Variants in BMPR2 observed in about 807,000 individuals in gnomAD.
BMPR2 encodes the protein bone morphogenetic protein receptor type 2, also known as bone morphogenetic protein receptor type-2.
A neutral mutation model predicts 100.8 loss-of-function variants in BMPR2; 29 were observed. The observed-to-expected ratio is 0.29, with a 90% CI of 0.21 to 0.39. The LOEUF (loss-of-function observed/expected upper bound fraction) is 0.39, where lower values mean the gene tolerates loss of function less well. BMPR2 is among the 10% of genes least tolerant of loss of function. The pLI is 1.00. For missense variants in BMPR2, 1,011 were observed against 1,274.5 expected, an observed-to-expected ratio of 0.79 and a Z score of 3.15; for synonymous variants, 382 against 442.3, an observed-to-expected ratio of 0.86 and a Z score of 1.71.
intron 1 of BMPR2, among the ~76,000 whole-genome samples, chr2:202,418,010 G>A (rs937527937): frequency 3.9e-5 from 6 of 152,108 alleles, no homozygotes; most frequent in African/African-American, 1.4e-4. Flanking sequence ...GAGCCACCGT[G>A]CCTGGCCCGT....
intron 3 of BMPR2, among the ~76,000 whole-genome samples, chr2:202,499,210 C>A (rs1202810945): frequency 6.6e-6 from 1 of 152,166 alleles, no homozygotes; most frequent in Admixed American, 6.5e-5. Flanking sequence ...CTGATAGGTA[C>A]ATAGATGTCC....
chr2:202,465,012 T>C, intron 2 of BMPR2, 33 bp downstream of exon 2: 1 of 1,608,840 alleles, frequency 6.2e-7, no homozygotes, highest in Non-Finnish European at 8.5e-7. Flanking sequence ...GAAATGACTG[T>C]GTTTTATACA....
intron 3 of BMPR2, among the ~76,000 whole-genome samples, chr2:202,471,952 T>G (rs751142736): frequency 1.3e-5 from 2 of 151,224 alleles, no homozygotes; most frequent in Non-Finnish European, 2.9e-5. Flanking sequence ...AAAGAGGTAA[T>G]AAAAGCAAAC....
rs555886271 is a variant in BMPR2, at chr2:202,559,000, C to G, written c.2867-696C>G. On this transcript the variant is annotated intron_variant, in intron 12 of 12. Coordinates refer to ENST00000374580, the MANE Select transcript of BMPR2 (RefSeq NM_001204.7). ...TCTGAAAAATATTGTATGCCAGGTG[C>G]CTTTAAAATTTGATCCAGGCTGGGC... is the stretch of plus-strand genomic sequence containing the variant. Among the ~76,000 whole-genome samples the G allele has an allele frequency of 2.7e-5, 4 of 150,668 alleles. No individual in the cohort carries two copies. In the South Asian group the frequency reaches 6.4e-4, roughly 24 times the overall value.
chr2:202,463,973 A>C (rs1477630241), intron 1 of BMPR2, among the ~76,000 whole-genome samples: 1 of 152,060 alleles, frequency 6.6e-6, no homozygotes, highest in East Asian at 1.9e-4. Context: ...CAGCCTGACC[A>C]ACATGGAGAA....
chr2:202,532,734 TA>T lies in BMPR2; in HGVS notation c.1276+7del. The T allele has an allele frequency of 1.9e-6, 3 of 1,611,536 alleles. No individual in the cohort carries two copies. The highest frequency in any genetic ancestry group is 1.7e-6 in the Non-Finnish European group (2 of 1,179,774). ...TGAGATGTACAGACCTCTTCCCAGG[TA>T]AAAACTACTGTCAAAAGTTGATATT... On this transcript the variant is annotated splice_donor_region_variant and intron_variant, in intron 9 of 12. Transcript: ENST00000374580. The surrounding 1 kb of genome is among the most constrained non-coding windows in gnomAD (Gnocchi z 4.1).
In BMPR2 at chr2:202,377,256, A is replaced by AC. The variant is rs576966565; in HGVS notation, c.-212dup. 0.018 allele frequency: 11,241 copies of AC among 621,928 alleles called. 168 individuals are homozygous for AC. Among genetic ancestry groups the AC allele is most frequent in the Non-Finnish European group, 0.022 (7,714 of 343,590 alleles). 38.5% of individuals were successfully genotyped at this position (621,928 alleles called of 1,614,324 possible). A position where few individuals can be genotyped will look rare whatever the true frequency, so the allele number is the denominator to read the frequency against. On this transcript the variant is annotated 5_prime_UTR_variant, in exon 1 of 13. An upstream open reading frame in the 5' UTR loses its in-frame stop. Transcript: ENST00000374580. ...GCGGCACCCCGTCCGAGGCGAAGGA[A>AC]CCCCCCCAGCCGCGAGGGAGAGAAA...
chr2:202,476,947 CAAAAAAA>C (rs35516927), intron 3 of BMPR2, among the ~76,000 whole-genome samples: 1 of 121,310 alleles, frequency 8.2e-6, no homozygotes, highest in African/African-American at 3.0e-5. Context: ...AATCAACTGC[CAAAAAAA>C]AAAAAAAAAG....
chr2:202,452,880 TC>T (rs1396420649), intron 1 of BMPR2, among the ~76,000 whole-genome samples: 3 of 152,170 alleles, frequency 2.0e-5, no homozygotes, highest in African/African-American at 7.2e-5. Context: ...TGATAGGGGA[TC>T]CCGCCTCAGT....
intron 3 of BMPR2, among the ~76,000 whole-genome samples, chr2:202,483,248 G>T (rs1368721767): frequency 6.6e-6 from 1 of 151,802 alleles, no homozygotes; most frequent in African/African-American, 2.4e-5. Context: ...TATATATTTT[G>T]GATATTAACC....
chr2:202,449,985 G>A (rs901830008), intron 1 of BMPR2, among the ~76,000 whole-genome samples: 3 of 152,058 alleles, frequency 2.0e-5, no homozygotes, highest in Admixed American at 1.3e-4. Flanking sequence ...TGGCATGCAC[G>A]TGTGATCCCA....
chr2:202,527,512 G>A (rs1361184364), intron 7 of BMPR2, among the ~76,000 whole-genome samples: 4 of 150,778 alleles, frequency 2.7e-5, no homozygotes, highest in Admixed American at 2.6e-4. Flanking sequence ...TAGGCCGGGC[G>A]CGGTGGCTCA....
chr2:202,427,790 C>T (rs1039122561), intron 1 of BMPR2, among the ~76,000 whole-genome samples: 6 of 152,014 alleles, frequency 3.9e-5, no homozygotes, highest in Non-Finnish European at 8.8e-5. Flanking sequence ...CCAGCTTGGG[C>T]AACATGGCCA....
chr2:202,457,557 TATATAG>T (rs1314490899), intron 1 of BMPR2, among the ~76,000 whole-genome samples: 2,002 of 100,698 alleles, frequency 0.02, 23 homozygotes, highest in South Asian at 0.063. Flanking sequence ...TATATATATA[TATATAG>T]AGAGAGAGAG....
intron 3 of BMPR2, among the ~76,000 whole-genome samples, chr2:202,485,986 G>A (rs1216336984): frequency 6.6e-6 from 1 of 151,926 alleles, no homozygotes; most frequent in Non-Finnish European, 1.5e-5. Flanking sequence ...AACTGCCATT[G>A]GCCTTTAGGA....
intron 3 of BMPR2, among the ~76,000 whole-genome samples, chr2:202,491,571 C>G (rs1692903781): frequency 6.6e-6 from 1 of 151,868 alleles, no homozygotes; most frequent in Admixed American, 6.6e-5. Context: ...TTACAGGCAC[C>G]CACCACTACA....
intron 1 of BMPR2, among the ~76,000 whole-genome samples, chr2:202,381,048 C>G (rs1474254956): frequency 1.4e-5 from 2 of 142,412 alleles, no homozygotes; most frequent in East Asian, 4.3e-4. Context: ...CATCTCAGCT[C>G]ACTGCAACCT....
chr2:202,431,047 G>T (rs993837698), intron 1 of BMPR2, among the ~76,000 whole-genome samples: 4 of 150,156 alleles, frequency 2.7e-5, no homozygotes, highest in African/African-American at 1.0e-4. Context: ...GATTTTTCAC[G>T]ATTAGAGGAG....
At chr2:202,461,591 TAAAA>T (rs1692226341) in intron 1 of BMPR2, among the ~76,000 whole-genome samples, 1 of 152,190 alleles carries the variant, frequency 6.6e-6, no homozygotes, top group South Asian at 2.1e-4. Context: ...GAAAAGGAAC[TAAAA>T]TCAAGCTTCA....
Sources: allele counts gnomAD v4.1 joint callset (sites outside exome capture counted in the v4.1 genomes callset), GRCh38; gene constraint gnomAD v4.1.1; non-coding constraint Gnocchi (gnomAD v3.1); transcripts MANE v1.5; gene names NCBI Gene and HGNC (gene_info 2026-07-23, HGNC 2026-07-21).